Variants in RPAP2 observed in about 807,000 individuals in gnomAD.
The protein encoded by RPAP2 is putative RNA polymerase II subunit B1 CTD phosphatase RPAP2.
Under a neutral mutation model 73.1 loss-of-function variants are expected in RPAP2, and 52 were observed. The ratio of observed to expected loss-of-function variants is 0.71; its 90% CI spans 0.57 to 0.90. The LOEUF is 0.90. Among genes scored for constraint, RPAP2 ranks in the 40% least tolerant of loss-of-function variants. The pLI is 0.00. For missense variants in RPAP2, 598 were observed against 701.8 expected (o/e 0.85, Z 1.67); for synonymous variants, 225 against 242.1 (o/e 0.93, Z 0.65).
At chr1:92,327,582 C>G (rs1652709610) in intron 8 of RPAP2, among the ~76,000 whole-genome samples, 1 of 152,114 alleles carries the variant, frequency 6.6e-6, no homozygotes, top group Non-Finnish European at 1.5e-5. Flanking sequence ...AAAGCAGATA[C>G]TTGGTTGGTG....
chr1:92,373,769 A>AAAAAAAAAAACC (rs1655271978), intron 11 of RPAP2, among the ~76,000 whole-genome samples: 1 of 145,776 alleles, frequency 6.9e-6, no homozygotes, highest in Non-Finnish European at 1.5e-5. Flanking sequence ...AAAAAAAAAA[A>AAAAAAAAAAACC]AGTAGCCAGG....
chr1:92,324,503 C>T (rs1652512482), intron 8 of RPAP2, 128 bp downstream of exon 8: 2 of 747,958 alleles, frequency 2.7e-6, no homozygotes, highest in Admixed American at 5.8e-5. Context: ...TTTAGTCATT[C>T]TGCCTTTTGG....
At chr1:92,365,388 A>G (rs1171948253) in intron 11 of RPAP2, among the ~76,000 whole-genome samples, 2 of 114,428 alleles carry the variant, frequency 1.7e-5, no homozygotes, top group Non-Finnish European at 3.7e-5. Context: ...TTACATGGGG[A>G]GGTTTTAAAA....
At chr1:92,383,681 T>A (rs1274931779) in intron 12 of RPAP2, among the ~76,000 whole-genome samples, 1 of 151,964 alleles carries the variant, frequency 6.6e-6, no homozygotes, top group East Asian at 1.9e-4. Context: ...ACGATGGGGT[T>A]TTCTAGATAT....
Position 92,395,984 on chromosome 1 carries a change from A to G in RPAP2, c.*8973A>G, listed in dbSNP as rs1360955202. 1 of 152,168 alleles carries G rather than the reference A, an allele frequency of 6.6e-6. No homozygotes were observed. Among genetic ancestry groups the G allele is most frequent in the Non-Finnish European group, 1.5e-5 (1 of 68,044 alleles). 9.4% of individuals were successfully genotyped at this position (152,168 alleles called of 1,614,324 possible). ...GATGATGTGGAGAAACTGGAGCCCT[A>G]ATGCATTGCTGGTGGGAATGTAAAA... On this transcript the variant is annotated 3_prime_UTR_variant, in exon 13 of 13. Coordinates refer to ENST00000610020, the MANE Select transcript of RPAP2 (RefSeq NM_024813.3).
At chr1:92,311,446 A>G (rs569929129) in intron 6 of RPAP2, among the ~76,000 whole-genome samples, 282 of 152,372 alleles carry the variant, frequency 1.9e-3, no homozygotes, top group African/African-American at 6.4e-3. Flanking sequence ...GAATAAAGTT[A>G]CTGACTTTAA....
chr1:92,358,409 C>T (rs888201140), intron 11 of RPAP2, among the ~76,000 whole-genome samples: 1 of 151,898 alleles, frequency 6.6e-6, no homozygotes, highest in Non-Finnish European at 1.5e-5. Flanking sequence ...TTCCTCCTCA[C>T]GAAACTTTCC....
intron 2 of RPAP2, among the ~76,000 whole-genome samples, chr1:92,300,715 A>G (rs1650779568): frequency 6.6e-6 from 1 of 152,216 alleles, no homozygotes; most frequent in Admixed American, 6.5e-5. Flanking sequence ...GATTAAAAGC[A>G]TATGTAGCTA....
At chr1:92,328,180 C>T (rs1486165615) in intron 8 of RPAP2, among the ~76,000 whole-genome samples, 3 of 152,094 alleles carry the variant, frequency 2.0e-5, no homozygotes, top group African/African-American at 7.2e-5. Context: ...CTTTGAGCTT[C>T]TTGTATTTGG....
At position 92,401,584 on chromosome 1, in the gene RPAP2, C is replaced by T. The variant is rs906723487; in HGVS notation, c.*14573C>T. On this transcript the variant is annotated 3_prime_UTR_variant, in exon 13 of 13. Coordinates refer to ENST00000610020, the MANE Select transcript of RPAP2 (RefSeq NM_024813.3). Reference sequence around the variant, plus strand: ...CAATACTGGATATAAGTGGTGAAAGCACATATCCTCCCCTTGTTCCTAATT... The same window carrying T: ...CAATACTGGATATAAGTGGTGAAAGTACATATCCTCCCCTTGTTCCTAATT... 8 of 152,304 alleles carry T rather than the reference C, an allele frequency of 5.3e-5. No homozygotes were observed. Among genetic ancestry groups the T allele is most frequent in the African/African-American group, 1.9e-4 (8 of 41,566 alleles). 9.4% of individuals were successfully genotyped at this position (152,304 alleles called of 1,614,324 possible). A position where few individuals can be genotyped will look rare whatever the true frequency, so the allele number is the denominator to read the frequency against.
intron 9 of RPAP2, among the ~76,000 whole-genome samples, chr1:92,335,414 C>CTTTA (rs1368917626): frequency 6.6e-6 from 1 of 152,100 alleles, no homozygotes; most frequent in East Asian, 1.9e-4. Context: ...GTAACACATA[C>CTTTA]TTTAGAAAAT....
At chr1:92,370,170 C>T (rs1321907516) in intron 11 of RPAP2, among the ~76,000 whole-genome samples, 2 of 152,188 alleles carry the variant, frequency 1.3e-5, no homozygotes, top group Non-Finnish European at 2.9e-5. Flanking sequence ...CAGGCATGAG[C>T]CACTGTGCCC....
At chr1:92,336,105 T>A (rs1459358693) in intron 9 of RPAP2, among the ~76,000 whole-genome samples, 1 of 152,168 alleles carries the variant, frequency 6.6e-6, no homozygotes, top group Non-Finnish European at 1.5e-5. Context: ...TTTAAATAGC[T>A]GCCAAAATGA....
chr1:92,324,038 C>T lies in RPAP2; in HGVS notation c.1118C>T (p.Thr373Ile), dbSNP rs139242409. Residue 373 changes from threonine to isoleucine, a missense_variant, in exon 8 of 13, where the codon ACT becomes ATT. By Grantham distance (89) the Thr-to-Ile change is moderately conservative. Around this residue, in one of 3 missense-constraint regions of RPAP2, gnomAD observed 506 missense variants for 612.8 expected, o/e 0.83. Transcript: ENST00000610020. ...KRNLLKVLKE[T>I]LIEWKTEETL... ...AACTTACTTAAAGTTTTGAAGGAGA[C>T]TTTGATTGAGTGGAAGACAGAAGAA... 49 of 1,613,804 alleles carry T rather than the reference C, an allele frequency of 3.0e-5. No individual in the cohort carries two copies. The highest frequency in any genetic ancestry group is 4.0e-5 in the Non-Finnish European group (47 of 1,179,916).
At chr1:92,347,569 TTAAG>T (rs1291634627) in intron 11 of RPAP2, among the ~76,000 whole-genome samples, 3 of 152,198 alleles carry the variant, frequency 2.0e-5, no homozygotes, top group African/African-American at 7.2e-5. Flanking sequence ...TGTTTTTGGA[TTAAG>T]TTTTTGCCAC....
At chr1:92,385,070 A>G (rs1481920739) in intron 12 of RPAP2, among the ~76,000 whole-genome samples, 1 of 151,298 alleles carries the variant, frequency 6.6e-6, no homozygotes, top group Non-Finnish European at 1.5e-5. Flanking sequence ...GCTACTCGGG[A>G]GGCTGAGGCA....
intron 6 of RPAP2, among the ~76,000 whole-genome samples, chr1:92,310,883 C>T (rs1443818519): frequency 2.0e-5 from 3 of 152,010 alleles, no homozygotes; most frequent in South Asian, 2.1e-4. Context: ...GGCAACAGAA[C>T]GAGACTAAGA....
At chr1:92,343,257 G>A (rs1653697536) in intron 10 of RPAP2, among the ~76,000 whole-genome samples, 1 of 152,124 alleles carries the variant, frequency 6.6e-6, no homozygotes, top group East Asian at 1.9e-4. Context: ...TTAAGATGAG[G>A]GTTGCGAAAT....
chr1:92,401,524 G>A lies in RPAP2; in HGVS notation c.*14513G>A, dbSNP rs1430726567. 1.3e-5 allele frequency: 2 copies of A among 152,142 alleles called. No homozygotes were observed. The highest frequency in any genetic ancestry group is 2.4e-5 in the African/African-American group (1 of 41,416). 9.4% of individuals were successfully genotyped at this position (152,142 alleles called of 1,614,324 possible). The stretch of plus-strand genomic sequence containing the variant: ...GTACTTGTTCTTTGCCAACCCATAT[G>A]TCTTGCCTTACTGCCCTGGTTAGGA... On this transcript the variant is annotated 3_prime_UTR_variant, in exon 13 of 13. Transcript: ENST00000610020.
Sources: gnomAD v4.1 joint callset for allele counts (sites outside exome capture counted in the v4.1 genomes callset) on GRCh38, gnomAD v4.1.1 for gene constraint, gnomAD v4.1.1 regional missense constraint, MANE v1.5 for transcripts, NCBI Gene and HGNC (gene_info 2026-07-23, HGNC 2026-07-21) for gene names.